The following TRIM54 variants were observed in gnomAD, a reference collection of about 807,000 sequenced individuals.
TRIM54 encodes tripartite motif-containing protein 54.
TRIM54 carries 40 observed loss-of-function variants against 42.0 expected under a neutral mutation model. The observed-to-expected ratio is 0.95, with a 90% CI of 0.74 to 1.24. The LOEUF (loss-of-function observed/expected upper bound fraction) is 1.24, where lower values mean the gene tolerates loss of function less well. Ranked by LOEUF, TRIM54 falls within the 50% of genes most tolerant of loss-of-function variation. The pLI is 0.00. For synonymous variants in TRIM54, 199 were observed against 194.9 expected, an observed-to-expected ratio of 1.02 and a Z score of -0.17; for missense variants, 485 against 480.3, an observed-to-expected ratio of 1.01 and a Z score of -0.09.
At chr2:27,283,203 T>C (rs2148184976) in intron 1 of TRIM54, among the ~76,000 whole-genome samples, 1 of 152,256 alleles carries the variant, frequency 6.6e-6, no homozygotes, top group Non-Finnish European at 1.5e-5. Context: ...CCGGGCTTTA[T>C]AAGAGCCTGT....
At chr2:27,287,800 G>A (rs1452029597) in intron 1 of TRIM54, among the ~76,000 whole-genome samples, 1 of 152,218 alleles carries the variant, frequency 6.6e-6, no homozygotes, top group Non-Finnish European at 1.5e-5. Flanking sequence ...AAGCTCTGGG[G>A]TTATAGGCGT....
At chr2:27,295,829 A>G (rs773587775) in intron 1 of TRIM54, among the ~76,000 whole-genome samples, 26 of 152,234 alleles carry the variant, frequency 1.7e-4, no homozygotes, top group Non-Finnish European at 2.9e-4. Flanking sequence ...GAGTTCTCCC[A>G]ACACCTCTTT....
Position 27,306,463 on chromosome 2 carries a change from C to T in TRIM54, c.999C>T (p.Ser333=), listed in dbSNP as rs1247787022. The change falls in exon 8 of 9, where the codon TCC becomes TCT. Residue 333 remains serine (S), a synonymous_variant. Transcript: ENST00000380075. This position sits in a 1 kb window ranked among gnomAD's most constrained non-coding sequence, Gnocchi z 6.1. ...GGCCTTCCTTGGGCTCAGGCGCTTC[C>T]GGGGAGGAAGAGGAGGTGGCCCCAG... ...LRTIDFQPGA[S]GEEEEVAPDG... 2 of 1,596,490 alleles carry T rather than the reference C, an allele frequency of 1.3e-6. No individual in the cohort carries two copies. Among genetic ancestry groups the T allele is most frequent in the Non-Finnish European group, 1.7e-6 (2 of 1,171,352 alleles).
chr2:27,289,006 A>T (rs555252605), intron 1 of TRIM54, among the ~76,000 whole-genome samples: 147 of 152,342 alleles, frequency 9.6e-4, no homozygotes, highest in African/African-American at 3.3e-3. Flanking sequence ...GATTTTTCTA[A>T]CTGGATATTA....
At chr2:27,304,225 TAGATAG>T (rs1362885817) in intron 3 of TRIM54, among the ~76,000 whole-genome samples, 39 of 78,520 alleles carry the variant, frequency 5.0e-4, no homozygotes, top group African/African-American at 2.1e-3. Flanking sequence ...TATATATATA[TAGATAG>T]ATAGATAGAT....
intron 1 of TRIM54, among the ~76,000 whole-genome samples, chr2:27,283,784 G>GCGCACA (rs367621533): frequency 0.049 from 6,451 of 132,156 alleles, 213 homozygotes; most frequent in Non-Finnish European, 0.059. Flanking sequence ...ACACACGCGC[G>GCGCACA]CACACACACA....
At position 27,306,620 on chromosome 2, in the gene TRIM54, C is replaced by T. The variant is rs1572534870; in HGVS notation, c.*1+78C>T. ...TGGGGCCTGGCTGGTGTGCTCGCGT[C>T]CCCTCCCCCAGTGATTGCCCTCCCT... On this transcript the variant is annotated intron_variant, in intron 8 of 8. Transcript: ENST00000380075. The surrounding 1 kb of genome is among the most constrained non-coding windows in gnomAD (Gnocchi z 6.1). The T allele has an allele frequency of 1.5e-6, 2 of 1,368,290 alleles. No individual in the cohort carries two copies. The highest frequency in any genetic ancestry group is 2.9e-5 in the African/African-American group (2 of 68,404). The allele number at this position is 1,368,290 out of a possible 1,614,324, so 84.8% of individuals were successfully genotyped here. A position where few individuals can be genotyped will look rare whatever the true frequency, so the allele number is the denominator to read the frequency against.
Position 27,299,374 on chromosome 2 carries a change from C to CT in TRIM54, c.472dup (p.Cys158LeufsTer2). On this transcript the variant is annotated frameshift_variant, in exon 3 of 9. Transcript: ENST00000380075. LOFTEE classifies it high-confidence loss of function. ...GCAAGGTCTTCGGTGCCCACAAGGA[C>CT]TGTGAGGTGGCCCCACTGCCCACCA... The CT allele has an allele frequency of 6.2e-7, 1 of 1,614,132 alleles. No homozygotes were observed. The highest frequency in any genetic ancestry group is 8.5e-7 in the Non-Finnish European group (1 of 1,180,028).
At chr2:27,293,143 C>T (rs1037369277) in intron 1 of TRIM54, among the ~76,000 whole-genome samples, 1 of 151,944 alleles carries the variant, frequency 6.6e-6, no homozygotes, top group Non-Finnish European at 1.5e-5. Flanking sequence ...TTTGTATTAT[C>T]TGGTTTGCAT....
intron 3 of TRIM54, 99 bp from the exon 4 acceptor site, chr2:27,304,860 G>T: frequency 1.0e-6 from 1 of 967,192 alleles, no homozygotes; most frequent in South Asian, 1.5e-5. Context: ...GGGGGGTGAG[G>T]TGGAAGGGCC....
chr2:27,299,455 G>C (rs1193585200), intron 3 of TRIM54, 39 bp downstream of exon 3: 3 of 1,604,130 alleles, frequency 1.9e-6, no homozygotes, highest in Non-Finnish European at 2.6e-6. Context: ...TGAGAGATGG[G>C]GGCTTAGGAC....
intron 4 of TRIM54, chr2:27,305,379 A>T (rs929089507): frequency 1.7e-6 from 1 of 599,108 alleles, no homozygotes; most frequent in African/African-American, 1.9e-5. Flanking sequence ...AGGGCTAGGG[A>T]TATAGACAGC....
intron 3 of TRIM54, chr2:27,304,753 G>A: frequency 2.0e-6 from 1 of 491,086 alleles, no homozygotes; most frequent in Non-Finnish European, 3.7e-6. Context: ...CCACTTAGTG[G>A]TGGAGGGCTT....
In TRIM54 at chr2:27,307,102, C is replaced by A; in HGVS notation, c.*217C>A. On this transcript the variant is annotated 3_prime_UTR_variant, in exon 9 of 9. Coordinates refer to ENST00000380075, the MANE Select transcript of TRIM54 (RefSeq NM_187841.3). This position sits in a 1 kb window ranked among gnomAD's most constrained non-coding sequence, Gnocchi z 6.9. ...TCCTGCCCTTCCCAGAACCTGAGAC[C>A]GTCTGGGGGGCGGAAGCCAAATGAA... 4.0e-6 allele frequency: 1 copy of A among 247,220 alleles called. No individual in the cohort carries two copies. Among genetic ancestry groups the A allele is most frequent in the East Asian group, 1.2e-4 (1 of 8,036 alleles). 15.3% of individuals were successfully genotyped at this position (247,220 alleles called of 1,614,324 possible).
chr2:27,294,042 T>TAAC (rs760172116), intron 1 of TRIM54, among the ~76,000 whole-genome samples: 4 of 151,778 alleles, frequency 2.6e-5, no homozygotes, highest in East Asian at 3.9e-4. Flanking sequence ...ACAACAATAA[T>TAAC]AACAACAACA....
chr2:27,304,051 A>C (rs1486880427), intron 3 of TRIM54, among the ~76,000 whole-genome samples: 1 of 151,722 alleles, frequency 6.6e-6, no homozygotes, highest in Non-Finnish European at 1.5e-5. Flanking sequence ...GTCTACAAAA[A>C]AATATAAAAA....
chr2:27,299,428 G>A lies in TRIM54; in HGVS notation c.513+12G>A. Reference sequence around the variant, plus strand: ...ACAAACGCCAGAAGGTATCAAACAGGGGAGGGAGTAGATATGTGAGAGATG... The same window carrying A: ...ACAAACGCCAGAAGGTATCAAACAGAGGAGGGAGTAGATATGTGAGAGATG... On this transcript the variant is annotated intron_variant, in intron 3 of 8. Transcript: ENST00000380075. 5 of 1,612,398 alleles carry A rather than the reference G, an allele frequency of 3.1e-6. No individual in the cohort carries two copies. The highest frequency in any genetic ancestry group is 4.2e-6 in the Non-Finnish European group (5 of 1,179,470).
chr2:27,288,274 G>A (rs561320290), intron 1 of TRIM54, among the ~76,000 whole-genome samples: 18 of 152,322 alleles, frequency 1.2e-4, no homozygotes, highest in Non-Finnish European at 2.2e-4. Flanking sequence ...AAGCCCCATT[G>A]CATCCAGAGC....
chr2:27,302,650 G>T (rs1167195332), intron 3 of TRIM54, among the ~76,000 whole-genome samples: 1 of 151,908 alleles, frequency 6.6e-6, no homozygotes, highest in African/African-American at 2.4e-5. Context: ...AATTAGCTGG[G>T]CATGGTGGCA....
Sources: gnomAD v4.1 joint callset for allele counts (sites outside exome capture counted in the v4.1 genomes callset) on GRCh38, gnomAD v4.1.1 for gene constraint, Gnocchi (gnomAD v3.1) non-coding constraint, MANE v1.5 for transcripts, NCBI Gene and HGNC (gene_info 2026-07-23, HGNC 2026-07-21) for gene names.